The following EXO1 variants were observed in gnomAD, a reference collection of about 807,000 sequenced individuals.
The protein encoded by EXO1 is exonuclease 1.
In EXO1, 69 loss-of-function variants were observed where a neutral mutation model predicts 84.5. The ratio of observed to expected loss-of-function variants is 0.82; its 90% CI spans 0.67 to 1.00. The LOEUF (loss-of-function observed/expected upper bound fraction) is 1.00. Among genes scored for constraint, EXO1 ranks in the 50% least tolerant of loss-of-function variants. The pLI, the probability that EXO1 is intolerant of heterozygous loss-of-function variation, is 0.00. For synonymous variants in EXO1, 373 were observed against 366.1 expected (o/e 1.02, Z -0.21); for missense variants, 1,045 against 1,000.7 (o/e 1.04, Z -0.60).
intron 6 of EXO1, among the ~76,000 whole-genome samples, chr1:241,856,098 G>C (rs540626045): frequency 6.6e-6 from 1 of 152,232 alleles, no homozygotes; most frequent in Non-Finnish European, 1.5e-5. Flanking sequence ...CGCCGAGAGC[G>C]AGGGAGGGCT....
Position 241,889,858 on chromosome 1 carries a change from A to G in EXO1, c.*258A>G. On this transcript the variant is annotated 3_prime_UTR_variant, in exon 16 of 16. Coordinates refer to ENST00000366548, the MANE Select transcript of EXO1 (RefSeq NM_130398.4). Reference sequence around the variant, plus strand: ...GGAGGTTTTAGTGTTAATTGGGAAAATCCTCTGGAGTTTATAAAAGTCTAC... The same window carrying G: ...GGAGGTTTTAGTGTTAATTGGGAAAGTCCTCTGGAGTTTATAAAAGTCTAC... The G allele has an allele frequency of 2.1e-6, 1 of 465,466 alleles. No homozygotes were observed. Among genetic ancestry groups the G allele is most frequent in the Non-Finnish European group, 3.9e-6 (1 of 257,112 alleles). The allele number at this position is 465,466 out of a possible 1,614,324, so 28.8% of individuals were successfully genotyped here.
chr1:241,857,412 T>TTGGCC lies in EXO1; in HGVS notation c.474_475insGGCCT (p.Asn159GlyfsTer11). 1 of 1,614,008 alleles carries TTGGCC rather than the reference T, an allele frequency of 6.2e-7. No individual in the cohort carries two copies. The highest frequency in any genetic ancestry group is 8.5e-7 in the Non-Finnish European group (1 of 1,179,948). On this transcript the variant is annotated frameshift_variant, in exon 7 of 16. Transcript: ENST00000366548. LOFTEE classifies it high-confidence loss of function. ...GAAGCTGATGCGCAGTTGGCCTATCTTAACAAAGCGGGAATTGTGCAAGCC... is the reference window on the plus strand; with the variant it reads ...GAAGCTGATGCGCAGTTGGCCTATCTTGGCCTAACAAAGCGGGAATTGTGCAAGCC...
chr1:241,854,001 C>T (rs1259035255), intron 6 of EXO1, among the ~76,000 whole-genome samples: 3 of 152,196 alleles, frequency 2.0e-5, no homozygotes, highest in Non-Finnish European at 2.9e-5. Flanking sequence ...ACCCTACAGA[C>T]TTCTGTTCCC....
In EXO1 at chr1:241,852,516, G is replaced by T. The variant is rs997699730; in HGVS notation, c.281+105G>T. ...AATTTTAAGCCAGGCTCAGTGGCTT[G>T]CACCTGTTGTCCTAGGTACTCGGGA... On this transcript the variant is annotated intron_variant, in intron 5 of 15. Coordinates refer to ENST00000366548, the MANE Select transcript of EXO1 (RefSeq NM_130398.4). 7.3e-5 allele frequency: 77 copies of T among 1,060,272 alleles called. No individual in the cohort carries two copies. In the Admixed American group the frequency reaches 1.3e-3, roughly 18 times the overall value. 65.7% of individuals were successfully genotyped at this position (1,060,272 alleles called of 1,614,324 possible).
At position 241,879,009 on chromosome 1, in the gene EXO1, A is replaced by C; in HGVS notation, c.1775A>C (p.Lys592Thr). The stretch of plus-strand genomic sequence containing the variant: ...GAGTCCTACTCTTTTGAGAGCAGCA[A>C]ATTTACAAGGACCATTTCACCACCC... ...DEESYSFESS[K>T]FTRTISPPTL... The change falls in exon 13 of 16, where the codon AAA becomes ACA. Residue 592 changes from lysine (K) to threonine (T), a missense_variant. By Grantham distance (78) the Lys-to-Thr change is moderately conservative (BLOSUM62 -1). Transcript: ENST00000366548. The C allele has an allele frequency of 6.2e-7, 1 of 1,614,198 alleles. No homozygotes were observed. Among genetic ancestry groups the C allele is most frequent in the Non-Finnish European group, 8.5e-7 (1 of 1,180,038 alleles).
chr1:241,850,857 T>C (rs78981637), intron 4 of EXO1, among the ~76,000 whole-genome samples: 84 of 142,498 alleles, frequency 5.9e-4, no homozygotes, highest in South Asian at 1.3e-3. Flanking sequence ...TTTTTTTTTT[T>C]TTAGATGGAA....
intron 14 of EXO1, among the ~76,000 whole-genome samples, chr1:241,883,938 G>A (rs140956902): frequency 2.4e-4 from 37 of 152,228 alleles, no homozygotes; most frequent in Non-Finnish European, 8.8e-5. Flanking sequence ...TCAGACATTT[G>A]CATTGTCAGG....
intron 14 of EXO1, 76 bp downstream of exon 14, chr1:241,882,093 C>T: frequency 1.4e-6 from 1 of 737,074 alleles, no homozygotes; most frequent in Non-Finnish European, 2.4e-6. Flanking sequence ...GAAATACAAG[C>T]AGAATTAAAA....
intron 12 of EXO1, among the ~76,000 whole-genome samples, chr1:241,875,722 CA>C (rs1174997260): frequency 2.6e-5 from 4 of 151,994 alleles, no homozygotes; most frequent in Non-Finnish European, 4.4e-5. Context: ...ACTAAAAGTA[CA>C]AAAAATTAGC....
At chr1:241,862,203 G>T (rs751093604) in intron 10 of EXO1, among the ~76,000 whole-genome samples, 13 of 152,314 alleles carry the variant, frequency 8.5e-5, no homozygotes, top group Admixed American at 2.0e-4. Context: ...CTCCCAAAGC[G>T]CTGGGATTAC....
intron 12 of EXO1, among the ~76,000 whole-genome samples, chr1:241,874,537 C>A (rs1361169548): frequency 6.6e-6 from 1 of 152,258 alleles, no homozygotes; most frequent in East Asian, 1.9e-4. Context: ...GGCACAAGGA[C>A]CAGTTGGGCT....
chr1:241,874,865 A>C (rs544730104), intron 12 of EXO1, among the ~76,000 whole-genome samples: 1 of 152,246 alleles, frequency 6.6e-6, no homozygotes, highest in African/African-American at 2.4e-5. Context: ...GTGGTGCCAC[A>C]ACATGAAAAA....
At position 241,886,099 on chromosome 1, in the gene EXO1, C is replaced by T. The variant is rs531335722; in HGVS notation, c.2405+592C>T. On this transcript the variant is annotated intron_variant, in intron 15 of 15. Coordinates refer to ENST00000366548, the MANE Select transcript of EXO1 (RefSeq NM_130398.4). ...AACTCCCAACCTCAGGTGATCCACC[C>T]GCCACGGCCTCCCAAGTGCTGGGAT... 1.2e-4 allele frequency among the ~76,000 whole-genome samples: 19 copies of T among 152,242 alleles called. No individual in the cohort carries two copies. The East Asian group carries it at 3.1e-3, about 25-fold the overall frequency.
chr1:241,869,776 CTCCTTCCT>C (rs1193708680), intron 11 of EXO1, among the ~76,000 whole-genome samples: 2 of 29,844 alleles, frequency 6.7e-5, no homozygotes, highest in African/African-American at 2.6e-4. Flanking sequence ...CCCTCCCTCC[CTCCTTCCT>C]TCCTTCCTTC....
rs1574198420 is a variant in EXO1 at position 241,889,929 on chromosome 1, A to T, written c.*329A>T. The T allele has an allele frequency of 3.1e-6, 1 of 319,870 alleles. No individual in the cohort carries two copies. The highest frequency in any genetic ancestry group is 8.2e-5 in the East Asian group (1 of 12,146). 19.8% of individuals were successfully genotyped at this position (319,870 alleles called of 1,614,324 possible). A position where few individuals can be genotyped will look rare whatever the true frequency, so the allele number is the denominator to read the frequency against. ...TGTCAAGTAGAAAGATAGTAAATGG[A>T]GAAACTACAATCCTAGAGGAAATCA... On this transcript the variant is annotated 3_prime_UTR_variant, in exon 16 of 16. Coordinates refer to ENST00000366548, the MANE Select transcript of EXO1 (RefSeq NM_130398.4).
intron 6 of EXO1, among the ~76,000 whole-genome samples, chr1:241,856,446 A>G (rs1480917471): frequency 1.3e-5 from 2 of 152,100 alleles, no homozygotes; most frequent in African/African-American, 4.8e-5. Context: ...GTTTAAATAT[A>G]GTGCTATAGC....
At chr1:241,884,989 CAAGGTCAG>C (rs1336317112) in intron 14 of EXO1, among the ~76,000 whole-genome samples, 1 of 152,040 alleles carries the variant, frequency 6.6e-6, no homozygotes, top group Non-Finnish European at 1.5e-5. Context: ...GAGCAGATCA[CAAGGTCAG>C]GAGATCGAGA....
chr1:241,874,305 A>G (rs1321905021), intron 12 of EXO1, among the ~76,000 whole-genome samples: 1 of 152,188 alleles, frequency 6.6e-6, no homozygotes, highest in African/African-American at 2.4e-5. Flanking sequence ...AGGCTGAGAC[A>G]CGAGAATTGC....
rs577333879 is a variant in EXO1 at position 241,860,696 on chromosome 1, C to T, written c.936C>T (p.Tyr312=). The change falls in exon 9 of 16, where the codon TAC becomes TAT. Residue 312 remains tyrosine (Y), a synonymous_variant. Coordinates refer to ENST00000366548, the MANE Select transcript of EXO1 (RefSeq NM_130398.4). ...EDDVDPETLS[Y]AGQYVDDSIA... is the part of the protein sequence containing the mutation. ...ATGTTGATCCTGAAACACTAAGCTA[C>T]GCTGGGCAGTATCCTTTCTGAAACA... The T allele has an allele frequency of 2.4e-5, 39 of 1,611,858 alleles. No homozygotes were observed. The highest frequency in any genetic ancestry group is 3.3e-4 in the Middle Eastern group (2 of 6,058).
Sources: gnomAD v4.1 joint callset for allele counts (sites outside exome capture counted in the v4.1 genomes callset) on GRCh38, gnomAD v4.1.1 for gene constraint, MANE v1.5 for transcripts, NCBI Gene and HGNC (gene_info 2026-07-23, HGNC 2026-07-21) for gene names.